OPCML: variants seen among roughly 807,000 people sequenced by gnomAD.
OPCML encodes the protein opioid binding protein/cell adhesion molecule like.
Under a neutral mutation model 37.8 loss-of-function variants are expected in OPCML, and 13 were observed. That is an observed-to-expected ratio of 0.34 (90% CI 0.22 to 0.55). The LOEUF (loss-of-function observed/expected upper bound fraction) is 0.55. Among genes scored for constraint, OPCML ranks in the 20% least tolerant of loss-of-function variants. The pLI is 0.91. For synonymous variants in OPCML, 176 were observed against 168.8 expected, an observed-to-expected ratio of 1.04 and a Z score of -0.33; for missense variants, 341 against 435.6, an observed-to-expected ratio of 0.78 and a Z score of 1.93.
At chr11:132,926,846 T>A (rs1345169512) in intron 2 of OPCML, among the ~76,000 whole-genome samples, 1 of 151,758 alleles carries the variant, frequency 6.6e-6, no homozygotes, top group Non-Finnish European at 1.5e-5. Context: ...ATGAAAACAA[T>A]ATATGAATAA....
At chr11:132,422,574 C>T (rs10894558) in intron 7 of OPCML, among the ~76,000 whole-genome samples, 43,132 of 152,118 alleles carry the variant, frequency 0.28, 6,229 homozygotes, top group Admixed American at 0.31. Context: ...ACGTTCACAC[C>T]GTGCTCTCCA....
intron 1 of OPCML, among the ~76,000 whole-genome samples, chr11:133,395,536 G>A (rs1945266520): frequency 6.6e-6 from 1 of 152,110 alleles, no homozygotes; most frequent in Non-Finnish European, 1.5e-5. Flanking sequence ...TGAGGTCTTA[G>A]ATTTAAGTCT....
chr11:133,423,576 G>T, intron 1 of OPCML: 1 of 758,216 alleles, frequency 1.3e-6, no homozygotes, highest in Non-Finnish European at 1.6e-6. Flanking sequence ...GCAGATCTGT[G>T]AAAGATAGGA....
At chr11:133,296,123 G>A (rs12421124) in intron 1 of OPCML, among the ~76,000 whole-genome samples, 7,376 of 152,276 alleles carry the variant, frequency 0.048, 204 homozygotes, top group Middle Eastern at 0.065. Context: ...GTAAAACTGT[G>A]TCCGTAAATG....
chr11:133,104,340 A>C (rs1949127208), intron 1 of OPCML, among the ~76,000 whole-genome samples: 1 of 152,240 alleles, frequency 6.6e-6, no homozygotes, highest in African/African-American at 2.4e-5. Flanking sequence ...AGTGAGAGCC[A>C]CAAACCTCAA....
intron 1 of OPCML, among the ~76,000 whole-genome samples, chr11:133,140,522 T>TAAGAAGAAGAAGAAGAAGAAG (rs1296215663): frequency 3.9e-4 from 23 of 59,460 alleles, no homozygotes; most frequent in East Asian, 1.9e-3. Flanking sequence ...AAAATAATAA[T>TAAGAAGAAGAAGAAGAAGAAG]AATAATAATA....
intron 1 of OPCML, among the ~76,000 whole-genome samples, chr11:133,059,475 C>T (rs951820163): frequency 1.3e-5 from 2 of 152,192 alleles, no homozygotes; most frequent in Non-Finnish European, 2.9e-5. Flanking sequence ...GCATGGACAA[C>T]CCCAGCACAC....
chr11:133,497,034 C>T (rs4936193), intron 1 of OPCML, among the ~76,000 whole-genome samples: 1 of 151,854 alleles, frequency 6.6e-6, no homozygotes, highest in Non-Finnish European at 1.5e-5. Flanking sequence ...GTTGGCTGTG[C>T]GTCTGTCATA....
chr11:132,716,477 T>C (rs1944498820), intron 2 of OPCML, among the ~76,000 whole-genome samples: 2 of 152,084 alleles, frequency 1.3e-5, no homozygotes, highest in African/African-American at 4.8e-5. Context: ...ACCATCTGTC[T>C]ATCTAATCTG....
chr11:132,952,284 G>A (rs796340656), intron 1 of OPCML, among the ~76,000 whole-genome samples: 2 of 152,236 alleles, frequency 1.3e-5, no homozygotes, highest in African/African-American at 4.8e-5. Context: ...AGAGTGGTAA[G>A]AATTGACTGG....
At chr11:133,107,246 A>C (rs1468303088) in intron 1 of OPCML, among the ~76,000 whole-genome samples, 1 of 152,134 alleles carries the variant, frequency 6.6e-6, no homozygotes, top group Non-Finnish European at 1.5e-5. Flanking sequence ...TATTAACTGG[A>C]ACTTATAAGG....
intron 1 of OPCML, among the ~76,000 whole-genome samples, chr11:133,358,242 G>A (rs1283399457): frequency 6.6e-6 from 1 of 152,128 alleles, no homozygotes; most frequent in East Asian, 1.9e-4. Flanking sequence ...GCACTGTCTT[G>A]TCATCACTTG....
intron 2 of OPCML, among the ~76,000 whole-genome samples, chr11:132,709,470 G>A (rs1189328214): frequency 6.6e-6 from 1 of 152,098 alleles, no homozygotes; most frequent in East Asian, 1.9e-4. Flanking sequence ...CTGATTTCCA[G>A]GACTCCATCC....
intron 5 of OPCML, 31 bp from the exon 6 acceptor site, chr11:132,436,810 G>GGCAT (rs778059675): frequency 5.8e-5 from 93 of 1,606,840 alleles, no homozygotes; most frequent in Non-Finnish European, 7.3e-5. Flanking sequence ...CACATGCACA[G>GGCAT]GCATGCACGC....
intron 1 of OPCML, among the ~76,000 whole-genome samples, chr11:133,034,352 G>GGA (rs1348361931): frequency 2.8e-5 from 3 of 106,526 alleles, no homozygotes; most frequent in Admixed American, 9.5e-5. Context: ...ACAGACAGAG[G>GGA]GAGAGAGAGA....
At chr11:133,520,229 A>G (rs1057419895) in intron 1 of OPCML, among the ~76,000 whole-genome samples, 4 of 152,038 alleles carry the variant, frequency 2.6e-5, no homozygotes, top group African/African-American at 9.7e-5. Context: ...ACTCTTCCCA[A>G]GTGCAGTGTG....
intron 1 of OPCML, among the ~76,000 whole-genome samples, chr11:133,092,020 T>G (rs572060288): frequency 6.6e-6 from 1 of 152,170 alleles, no homozygotes; most frequent in Non-Finnish European, 1.5e-5. Context: ...GGTGGGGCAT[T>G]TGAAAGGTGA....
chr11:132,633,499 C>A (rs1321408937), intron 3 of OPCML, among the ~76,000 whole-genome samples: 1 of 152,152 alleles, frequency 6.6e-6, no homozygotes, highest in Non-Finnish European at 1.5e-5. Context: ...ATGGGCATCC[C>A]AATCCTGAGC....
chr11:132,791,043 A>G (rs1049569700), intron 2 of OPCML, among the ~76,000 whole-genome samples: 1 of 152,162 alleles, frequency 6.6e-6, no homozygotes, highest in African/African-American at 2.4e-5. Context: ...CAATTTTCAA[A>G]GCCCGTCATT....
Sources: gnomAD v4.1 joint callset for allele counts (sites outside exome capture counted in the v4.1 genomes callset) on GRCh38, gnomAD v4.1.1 for gene constraint, MANE v1.5 for transcripts, NCBI Gene and HGNC (gene_info 2026-07-23, HGNC 2026-07-21) for gene names.